The following SEMA4D variants were observed in gnomAD, a reference collection of about 807,000 sequenced individuals.
The protein encoded by SEMA4D is semaphorin-4D.
SEMA4D carries 22 observed loss-of-function variants against 74.8 expected under a neutral mutation model. The observed-to-expected ratio is 0.29, with a 90% CI of 0.21 to 0.42. SEMA4D has a LOEUF of 0.42. Ranked by LOEUF, SEMA4D falls within the 10% of genes least tolerant of loss-of-function variation. The pLI is 1.00. For missense variants in SEMA4D, 937 were observed against 1,118.4 expected (o/e 0.84, Z 2.31); for synonymous variants, 445 against 463.7 (o/e 0.96, Z 0.52).
At chr9:89,383,438 T>A (rs1243561767) in intron 13 of SEMA4D, among the ~76,000 whole-genome samples, 1 of 152,070 alleles carries the variant, frequency 6.6e-6, no homozygotes, top group African/African-American at 2.4e-5. Flanking sequence ...GACCCCAAGA[T>A]AATCACAAGA....
chr9:89,491,439 G>A (rs1276214055), intron 1 of SEMA4D, among the ~76,000 whole-genome samples: 4 of 152,172 alleles, frequency 2.6e-5, no homozygotes, highest in Admixed American at 6.5e-5. Context: ...GCATGGTGGC[G>A]TGTGCCTGTA....
chr9:89,388,511 C>A, intron 11 of SEMA4D, 125 bp downstream of exon 11: 1 of 1,178,062 alleles, frequency 8.5e-7, no homozygotes, highest in Non-Finnish European at 1.2e-6. Context: ...CCGTCCCTGT[C>A]CCAATGCAGA....
chr9:89,461,287 G>A (rs537811221), intron 1 of SEMA4D, among the ~76,000 whole-genome samples: 1 of 152,168 alleles, frequency 6.6e-6, no homozygotes, highest in East Asian at 1.9e-4. Context: ...ACCTTACAAG[G>A]GTACCTCTTA....
At chr9:89,439,062 A>AC (rs1423239331) in intron 2 of SEMA4D, among the ~76,000 whole-genome samples, 2 of 131,010 alleles carry the variant, frequency 1.5e-5, no homozygotes, top group African/African-American at 5.9e-5. Flanking sequence ...GCTCACTGCA[A>AC]CCTCTGCCTC....
At chr9:89,455,594 C>T (rs937451003) in intron 2 of SEMA4D, among the ~76,000 whole-genome samples, 1 of 152,170 alleles carries the variant, frequency 6.6e-6, no homozygotes, top group African/African-American at 2.4e-5. Flanking sequence ...CTGGGCTCAC[C>T]ACCAAACAAG....
At chr9:89,475,297 G>A (rs1390657758) in intron 1 of SEMA4D, among the ~76,000 whole-genome samples, 1 of 152,216 alleles carries the variant, frequency 6.6e-6, no homozygotes, top group African/African-American at 2.4e-5. Flanking sequence ...GGGGCCTGCT[G>A]GGCCCCCAGA....
At chr9:89,497,456 C>G (rs1826114775) in intron 1 of SEMA4D, 1 of 152,070 alleles carries the variant, frequency 6.6e-6, no homozygotes, top group African/African-American at 2.4e-5. Context: ...GGGGCCCGGC[C>G]AGAGCCCGGC....
intron 1 of SEMA4D, among the ~76,000 whole-genome samples, chr9:89,463,903 C>T (rs1378140364): frequency 1.3e-5 from 2 of 149,156 alleles, no homozygotes; most frequent in Non-Finnish European, 3.0e-5. Flanking sequence ...CACTGCACTC[C>T]AGCCTGGGTG....
chr9:89,473,718 G>C (rs972206504), intron 1 of SEMA4D, among the ~76,000 whole-genome samples: 3 of 152,098 alleles, frequency 2.0e-5, no homozygotes, highest in African/African-American at 7.2e-5. Context: ...AGCCGGGCAT[G>C]GTGGCACATG....
chr9:89,484,957 G>C lies in SEMA4D; in HGVS notation c.-310+12962C>G, dbSNP rs1825056533. On this transcript the variant is annotated intron_variant, in intron 1 of 15. Transcript: ENST00000422704. The surrounding 1 kb of genome is among the most constrained non-coding windows in gnomAD (Gnocchi z 4.1). Reference sequence around the variant, plus strand: ...GTGTTGTTTGGTGTGTGTGTACTGGGTGGGTGGTGGAGGCATATGTGTGTA... The same window carrying C: ...GTGTTGTTTGGTGTGTGTGTACTGGCTGGGTGGTGGAGGCATATGTGTGTA... 6.6e-6 allele frequency among the ~76,000 whole-genome samples: 1 copy of C among 150,636 alleles called. No individual in the cohort carries two copies. Among genetic ancestry groups the C allele is most frequent in the Non-Finnish European group, 1.5e-5 (1 of 67,554 alleles).
intron 15 of SEMA4D, 82 bp from the exon 16 acceptor site, chr9:89,379,711 A>G: frequency 1.4e-6 from 2 of 1,459,968 alleles, no homozygotes; most frequent in Non-Finnish European, 1.9e-6. Flanking sequence ...CCACAAGATG[A>G]CGCAAGAGTT....
At chr9:89,462,561 A>G (rs1033837883) in intron 1 of SEMA4D, among the ~76,000 whole-genome samples, 2 of 152,124 alleles carry the variant, frequency 1.3e-5, no homozygotes, top group Non-Finnish European at 1.5e-5. Flanking sequence ...AAAATGATGG[A>G]ATGTTTTCAA....
At chr9:89,486,440 C>T (rs566021674) in intron 1 of SEMA4D, among the ~76,000 whole-genome samples, 34 of 152,278 alleles carry the variant, frequency 2.2e-4, no homozygotes, top group Admixed American at 8.5e-4. Context: ...AAACCACATG[C>T]ATTAACCAAA....
intron 13 of SEMA4D, chr9:89,385,401 C>T: frequency 1.0e-6 from 1 of 985,382 alleles, no homozygotes; most frequent in Non-Finnish European, 1.2e-6. Flanking sequence ...GCTTCTGGGT[C>T]CCCTTCTTTC....
intron 2 of SEMA4D, among the ~76,000 whole-genome samples, chr9:89,438,463 A>G (rs2134996247): frequency 6.6e-6 from 1 of 152,342 alleles, no homozygotes; most frequent in Admixed American, 6.5e-5. Context: ...CCTGCTCACG[A>G]CAGAGCTGGG....
intron 2 of SEMA4D, among the ~76,000 whole-genome samples, chr9:89,407,258 C>G (rs1322545645): frequency 6.6e-6 from 1 of 152,186 alleles, no homozygotes; most frequent in African/African-American, 2.4e-5. Context: ...TATTAGATGG[C>G]AATTCCAGGA....
intron 16 of SEMA4D, among the ~76,000 whole-genome samples, chr9:89,365,973 G>T (rs769233151): frequency 6.6e-5 from 10 of 152,162 alleles, no homozygotes; most frequent in South Asian, 4.1e-4. Context: ...ACCAGAGAAT[G>T]CTCCTCCCAA....
intron 16 of SEMA4D, among the ~76,000 whole-genome samples, chr9:89,371,568 G>T (rs1430203084): frequency 3.0e-5 from 2 of 65,622 alleles, no homozygotes; most frequent in East Asian, 6.9e-4. Flanking sequence ...GTGTGGGGGG[G>T]GGTGTGTGTC....
chr9:89,443,220 C>G (rs571002328), intron 2 of SEMA4D, among the ~76,000 whole-genome samples: 1 of 152,332 alleles, frequency 6.6e-6, no homozygotes, highest in African/African-American at 2.4e-5. Context: ...ACACTACCCC[C>G]CTGGACAGAG....
Sources: allele counts gnomAD v4.1 joint callset (sites outside exome capture counted in the v4.1 genomes callset), GRCh38; gene constraint gnomAD v4.1.1; non-coding constraint Gnocchi (gnomAD v3.1); transcripts MANE v1.5; gene names NCBI Gene and HGNC (gene_info 2026-07-23, HGNC 2026-07-21).